DSCAM: variants seen among roughly 807,000 people sequenced by gnomAD.
DSCAM encodes the protein DS cell adhesion molecule, also known as cell adhesion molecule DSCAM.
Under a neutral mutation model 217.7 loss-of-function variants are expected in DSCAM, and 47 were observed. That is an observed-to-expected ratio of 0.22 (90% CI 0.17 to 0.28). The LOEUF is 0.28. Ranked by LOEUF, DSCAM falls within the 10% of genes least tolerant of loss-of-function variation. The pLI is 1.00. For synonymous variants in DSCAM, 1,056 were observed against 1,015.3 expected, an observed-to-expected ratio of 1.04 and a Z score of -0.76; for missense variants, 2,080 against 2,618.3, an observed-to-expected ratio of 0.79 and a Z score of 4.49.
In DSCAM at chr21:40,039,090, C is replaced by T. The variant is rs565016721; in HGVS notation, c.5686+3281G>A. Among the ~76,000 whole-genome samples the T allele has an allele frequency of 4.2e-4, 64 of 151,690 alleles. 1 individual carries two copies. The highest frequency in any genetic ancestry group is 1.1e-3 in the African/African-American group (46 of 41,340). The stretch of plus-strand genomic sequence containing the variant: ...CTAGATGACCAGTTAGTGGGTGCAG[C>T]GCACCAGAATGGCACATGTATACAT... On this transcript the variant is annotated intron_variant, in intron 32 of 32. Coordinates refer to ENST00000400454, the MANE Select transcript of DSCAM (RefSeq NM_001389.5).
chr21:40,298,378 G>C (rs2073979334), intron 9 of DSCAM, among the ~76,000 whole-genome samples: 1 of 152,100 alleles, frequency 6.6e-6, no homozygotes, highest in Admixed American at 6.6e-5. Context: ...ACTGCGCACG[G>C]CCTGACATAT....
intron 3 of DSCAM, among the ~76,000 whole-genome samples, chr21:40,426,486 A>G (rs1458938307): frequency 6.6e-6 from 1 of 152,244 alleles, no homozygotes; most frequent in Non-Finnish European, 1.5e-5. Context: ...ACTTTCAGAA[A>G]TAGGAAATTT....
chr21:40,802,733 C>T (rs2091753252), intron 1 of DSCAM, among the ~76,000 whole-genome samples: 1 of 152,256 alleles, frequency 6.6e-6, no homozygotes, highest in Non-Finnish European at 1.5e-5. Flanking sequence ...ATGGCCTGGG[C>T]TGCCTCAGGA....
At chr21:40,336,532 T>C (rs1035736333) in intron 8 of DSCAM, among the ~76,000 whole-genome samples, 7 of 152,234 alleles carry the variant, frequency 4.6e-5, no homozygotes, top group African/African-American at 1.4e-4. Context: ...GAACCAATCA[T>C]TTCCAAATGA....
At chr21:40,159,562 C>T in intron 16 of DSCAM, among the ~76,000 whole-genome samples, 1 of 152,140 alleles carries the variant, frequency 6.6e-6, no homozygotes, top group Non-Finnish European at 1.5e-5. Flanking sequence ...AAATTACTAC[C>T]TACCCATCTA....
chr21:40,296,083 T>C lies in DSCAM; in HGVS notation c.2154A>G (p.Val718=). Residue 718 remains valine, a synonymous_variant, in exon 10 of 33, where the codon GTA becomes GTG. Coordinates refer to ENST00000400454, the MANE Select transcript of DSCAM (RefSeq NM_001389.5). ...ILNCSAEGYP[V]PTIVWKFSKG... ...TAGAGAATTTCCACACGATGGTAGGTACAGGGTAACCCTCAGCAGAACAAT... is the reference window on the plus strand; with the variant it reads ...TAGAGAATTTCCACACGATGGTAGGCACAGGGTAACCCTCAGCAGAACAAT... 6.2e-7 allele frequency: 1 copy of C among 1,614,068 alleles called. No homozygotes were observed. The highest frequency in any genetic ancestry group is 8.5e-7 in the Non-Finnish European group (1 of 1,179,968).
intron 3 of DSCAM, among the ~76,000 whole-genome samples, chr21:40,577,461 C>G (rs987094664): frequency 2.0e-5 from 3 of 151,994 alleles, no homozygotes; most frequent in Admixed American, 1.3e-4. Context: ...GTGGCGCCCC[C>G]CTCCGAGCCG....
At chr21:40,755,557 T>A (rs1001688796) in intron 1 of DSCAM, among the ~76,000 whole-genome samples, 1 of 152,136 alleles carries the variant, frequency 6.6e-6, no homozygotes, top group African/African-American at 2.4e-5. Context: ...ATAGAAACTC[T>A]GGATTGGTAG....
intron 3 of DSCAM, among the ~76,000 whole-genome samples, chr21:40,598,411 T>C (rs535167427): frequency 5.3e-5 from 8 of 152,146 alleles, no homozygotes; most frequent in Non-Finnish European, 1.2e-4. Context: ...GAAATAAGTT[T>C]TCAAATTATT....
intron 3 of DSCAM, among the ~76,000 whole-genome samples, chr21:40,541,491 T>G (rs2076542519): frequency 6.6e-6 from 1 of 152,222 alleles, no homozygotes; most frequent in African/African-American, 2.4e-5. Flanking sequence ...TCTGTACCAT[T>G]TATTCTGGTT....
chr21:40,209,836 T>G (rs1379020474), intron 11 of DSCAM, among the ~76,000 whole-genome samples: 1 of 152,302 alleles, frequency 6.6e-6, no homozygotes, highest in South Asian at 2.1e-4. Context: ...CTCATTCATC[T>G]TCCTTTTCCA....
Position 40,629,788 on chromosome 21 carries a change from A to AC in DSCAM, c.508+63021dup, listed in dbSNP as rs372562181. 3.6e-4 allele frequency: 55 copies of AC among 152,288 alleles called. No homozygotes were observed. The East Asian group carries it at 7.9e-3, about 22-fold the overall frequency. The allele number at this position is 152,288 out of a possible 1,614,324, so 9.4% of individuals were successfully genotyped here. On this transcript the variant is annotated intron_variant, in intron 3 of 32. Transcript: ENST00000400454. ...GTCTGCCCTTTGTCCAGAGTATAAAACTTCCATGAGAAAAGGAGACAAATC... is the reference window on the plus strand; with the variant it reads ...GTCTGCCCTTTGTCCAGAGTATAAAACCTTCCATGAGAAAAGGAGACAAATC...
chr21:40,017,749 T>A (rs888261116), intron 32 of DSCAM, among the ~76,000 whole-genome samples: 11 of 152,154 alleles, frequency 7.2e-5, no homozygotes, highest in Non-Finnish European at 1.0e-4. Context: ...ACAGGGTTTC[T>A]CCATGTTGGT....
intron 3 of DSCAM, among the ~76,000 whole-genome samples, chr21:40,667,976 C>A (rs1416423939): frequency 6.6e-6 from 1 of 152,146 alleles, no homozygotes; most frequent in East Asian, 1.9e-4. Flanking sequence ...AAACTTATTT[C>A]CCCAGTACCT....
At chr21:40,416,531 G>A (rs928635070) in intron 3 of DSCAM, among the ~76,000 whole-genome samples, 2 of 152,146 alleles carry the variant, frequency 1.3e-5, no homozygotes, top group African/African-American at 2.4e-5. Flanking sequence ...CAGACAAAGA[G>A]TTTGGAGACA....
chr21:40,195,119 C>CTG (rs1251740047), intron 11 of DSCAM, among the ~76,000 whole-genome samples: 4 of 152,106 alleles, frequency 2.6e-5, no homozygotes, highest in Non-Finnish European at 4.4e-5. Context: ...CAGTTTGTCA[C>CTG]TGTACGTTTT....
intron 1 of DSCAM, among the ~76,000 whole-genome samples, chr21:40,747,300 C>A (rs997366583): frequency 5.0e-4 from 63 of 125,920 alleles, no homozygotes; most frequent in Admixed American, 1.5e-3. Context: ...AAAAAAAAAA[C>A]AACAAACCTT....
At chr21:40,324,141 AAG>A (rs1225386528) in intron 8 of DSCAM, among the ~76,000 whole-genome samples, 5 of 150,050 alleles carry the variant, frequency 3.3e-5, no homozygotes, top group African/African-American at 4.9e-5. Flanking sequence ...AGAAAAAAAA[AAG>A]AGAGAGAGAG....
At chr21:40,523,856 C>T (rs983596723) in intron 3 of DSCAM, among the ~76,000 whole-genome samples, 5 of 152,092 alleles carry the variant, frequency 3.3e-5, no homozygotes, top group East Asian at 1.9e-4. Flanking sequence ...CACCTCTAGA[C>T]GCTGCCATGG....
Sources: allele counts gnomAD v4.1 joint callset (sites outside exome capture counted in the v4.1 genomes callset), GRCh38; gene constraint gnomAD v4.1.1; transcripts MANE v1.5; gene names NCBI Gene and HGNC (gene_info 2026-07-23, HGNC 2026-07-21).